The following YES1 variants were observed in gnomAD, a reference collection of about 807,000 sequenced individuals.
YES1 encodes YES proto-oncogene 1, Src family tyrosine kinase, also known as tyrosine-protein kinase Yes.
YES1 carries 39 observed loss-of-function variants against 70.4 expected under a neutral mutation model. The ratio of observed to expected loss-of-function variants is 0.55; its 90% confidence interval spans 0.43 to 0.72. The LOEUF (loss-of-function observed/expected upper bound fraction) is 0.72, where lower values mean the gene tolerates loss of function less well. YES1 is among the 30% of genes least tolerant of loss of function. The pLI is 0.00. For missense variants in YES1, 495 were observed against 644.8 expected (o/e 0.77, Z 2.52); for synonymous variants, 198 against 218.6 (o/e 0.91, Z 0.83).
At chr18:783,503 G>C (rs1257715564) in intron 1 of YES1, among the ~76,000 whole-genome samples, 4 of 151,954 alleles carry the variant, frequency 2.6e-5, no homozygotes, top group Non-Finnish European at 4.4e-5. Flanking sequence ...CAATTGAGTT[G>C]AATTGGAAAA....
At chr18:767,869 T>C (rs571660344) in intron 1 of YES1, among the ~76,000 whole-genome samples, 5 of 152,184 alleles carry the variant, frequency 3.3e-5, no homozygotes, top group Admixed American at 1.3e-4. Context: ...ACTGGCTAAT[T>C]TTTGTATTTT....
intron 1 of YES1, among the ~76,000 whole-genome samples, chr18:757,752 G>A (rs1418983748): frequency 6.6e-6 from 1 of 151,836 alleles, no homozygotes; most frequent in African/African-American, 2.4e-5. Context: ...AACCCAGGAG[G>A]AAGAGGTTGC....
intron 8 of YES1, among the ~76,000 whole-genome samples, chr18:741,320 T>G (rs773685636): frequency 6.6e-6 from 1 of 151,742 alleles, no homozygotes; most frequent in South Asian, 2.1e-4. Flanking sequence ...CACAGCTCAC[T>G]ATGGCCTTAA....
At chr18:782,253 T>C (rs1459100847) in intron 1 of YES1, among the ~76,000 whole-genome samples, 13 of 152,222 alleles carry the variant, frequency 8.5e-5, no homozygotes, top group Non-Finnish European at 1.5e-4. Context: ...AGGTAAAACA[T>C]GGCTGGCAAT....
chr18:779,268 G>A (rs1905535113), intron 1 of YES1, among the ~76,000 whole-genome samples: 1 of 151,920 alleles, frequency 6.6e-6, no homozygotes. Flanking sequence ...GCCAAGCATG[G>A]TGGTACACAC....
At chr18:776,214 G>A (rs1029406666) in intron 1 of YES1, among the ~76,000 whole-genome samples, 2 of 144,908 alleles carry the variant, frequency 1.4e-5, no homozygotes, top group Admixed American at 1.4e-4. Context: ...TTTTTTTTGA[G>A]ATGGAGTCTC....
At chr18:790,459 C>T (rs555281826) in intron 1 of YES1, among the ~76,000 whole-genome samples, 3 of 152,222 alleles carry the variant, frequency 2.0e-5, no homozygotes, top group African/African-American at 7.2e-5. Flanking sequence ...TAATTCATTA[C>T]CTTTTCTTTT....
At chr18:745,887 T>TC in intron 5 of YES1, 30 bp from the exon 6 acceptor site, 1 of 1,607,350 alleles carries the variant, frequency 6.2e-7, no homozygotes. Flanking sequence ...TTTCACTATA[T>TC]CTTTCTCAAA....
chr18:739,582 C>G (rs1306698623), intron 9 of YES1, 153 bp downstream of exon 9: 1 of 584,424 alleles, frequency 1.7e-6, no homozygotes, highest in Admixed American at 3.8e-5. Flanking sequence ...GCATTCCACC[C>G]TGGGTGACAG....
intron 1 of YES1, among the ~76,000 whole-genome samples, chr18:809,257 G>A (rs1907251777): frequency 6.6e-6 from 1 of 151,828 alleles, no homozygotes; most frequent in African/African-American, 2.4e-5. Context: ...ACTTTATTTA[G>A]AAATTTTTTC....
chr18:763,099 A>T (rs1306267270), intron 1 of YES1, among the ~76,000 whole-genome samples: 1 of 152,188 alleles, frequency 6.6e-6, no homozygotes, highest in Non-Finnish European at 1.5e-5. Context: ...CAGATGCTTG[A>T]AACAGCATGG....
intron 1 of YES1, among the ~76,000 whole-genome samples, chr18:768,681 T>C (rs776838979): frequency 7.9e-5 from 12 of 152,078 alleles, no homozygotes; most frequent in Non-Finnish European, 1.5e-4. Context: ...ACCTTTTCTA[T>C]GTTTAGATAT....
chr18:785,946 G>C (rs1286226363), intron 1 of YES1, among the ~76,000 whole-genome samples: 1 of 151,974 alleles, frequency 6.6e-6, no homozygotes, highest in Non-Finnish European at 1.5e-5. Flanking sequence ...TTTAAAGTGA[G>C]TTTCTCTCTC....
chr18:748,360 C>CTTT (rs11372019), intron 3 of YES1, among the ~76,000 whole-genome samples: 45 of 144,492 alleles, frequency 3.1e-4, no homozygotes, highest in East Asian at 2.2e-3. Flanking sequence ...GTATTCTTTT[C>CTTT]TTTTTTTTTT....
chr18:725,214 T>G (rs2080003388), intron 11 of YES1, among the ~76,000 whole-genome samples: 1 of 151,834 alleles, frequency 6.6e-6, no homozygotes, highest in South Asian at 2.1e-4. Context: ...GTTCACCCCA[T>G]CTTATCACAG....
At chr18:734,307 C>A (rs898534239) in intron 10 of YES1, among the ~76,000 whole-genome samples, 4 of 151,646 alleles carry the variant, frequency 2.6e-5, no homozygotes, top group Admixed American at 1.3e-4. Context: ...GTATTCCCAG[C>A]ACTTTGGGAG....
intron 3 of YES1, among the ~76,000 whole-genome samples, chr18:748,695 A>C (rs2145721398): frequency 6.6e-6 from 1 of 152,286 alleles, no homozygotes; most frequent in Non-Finnish European, 1.5e-5. Context: ...TTAAAGGTTC[A>C]TCTAGGTTAT....
At chr18:737,732 T>C (rs182683006) in intron 9 of YES1, among the ~76,000 whole-genome samples, 28 of 152,318 alleles carry the variant, frequency 1.8e-4, no homozygotes, top group Admixed American at 7.2e-4. Flanking sequence ...TTTTGATTGA[T>C]TGACTGAGAC....
chr18:760,720 T>C (rs1334704952), intron 1 of YES1, among the ~76,000 whole-genome samples: 1 of 152,116 alleles, frequency 6.6e-6, no homozygotes, highest in African/African-American at 2.4e-5. Flanking sequence ...CTAAAAGTAT[T>C]AGAAAAAATT....
Sources: gnomAD v4.1 joint callset for allele counts (sites outside exome capture counted in the v4.1 genomes callset) on GRCh38, gnomAD v4.1.1 for gene constraint, MANE v1.5 for transcripts, NCBI Gene and HGNC (gene_info 2026-07-23, HGNC 2026-07-21) for gene names.